Variants in VKORC1L1 observed in about 807,000 individuals in gnomAD.
VKORC1L1 encodes the protein vitamin K epoxide reductase complex subunit 1L1.
VKORC1L1 carries 2 observed loss-of-function variants against 18.9 expected under a neutral mutation model. That is an observed-to-expected ratio of 0.11 (90% CI 0.04 to 0.33). The LOEUF is 0.33. Ranked by LOEUF, VKORC1L1 falls within the 10% of genes least tolerant of loss-of-function variation. VKORC1L1 has a pLI of 1.00. For missense variants in VKORC1L1, 123 were observed against 224.1 expected, an observed-to-expected ratio of 0.55 and a Z score of 2.88; for synonymous variants, 96 against 100.0, an observed-to-expected ratio of 0.96 and a Z score of 0.24.
chr7:65,946,888 A>G (rs562592451), intron 1 of VKORC1L1, among the ~76,000 whole-genome samples: 1 of 152,248 alleles, frequency 6.6e-6, no homozygotes, highest in East Asian at 1.9e-4. Context: ...TAATCCCAGC[A>G]CTTTGGGAGG....
chr7:65,916,463 G>A (rs1015792612), intron 1 of VKORC1L1, among the ~76,000 whole-genome samples: 4 of 152,006 alleles, frequency 2.6e-5, no homozygotes, highest in African/African-American at 9.7e-5. Flanking sequence ...TTCATCTTGT[G>A]CATTTCCTGT....
rs1030824835 is a variant in VKORC1L1, at chr7:65,882,066, C to T, written c.194+8501C>T. On this transcript the variant is annotated intron_variant, in intron 1 of 2. Coordinates refer to ENST00000360768, the MANE Select transcript of VKORC1L1 (RefSeq NM_173517.6). ...CTGCACTCCAGCCTGAGCGACAGAGCAAACTCTGTCTCAAGAAAATAAAAT... is the reference window on the plus strand; with the variant it reads ...CTGCACTCCAGCCTGAGCGACAGAGTAAACTCTGTCTCAAGAAAATAAAAT... Among the ~76,000 whole-genome samples, 323 of 143,908 alleles carry T rather than the reference C, an allele frequency of 2.2e-3. 1 individual carries two copies. Among genetic ancestry groups the T allele is most frequent in the African/African-American group, 7.6e-3 (293 of 38,344 alleles). 94.4% of individuals were successfully genotyped at this position (143,908 alleles called of 152,430 possible).
chr7:65,928,254 C>CTTTTTTTTTTTT (rs760146385), intron 1 of VKORC1L1, among the ~76,000 whole-genome samples: 3 of 106,224 alleles, frequency 2.8e-5, no homozygotes, highest in Admixed American at 1.0e-4. Context: ...TTTTTTCCTT[C>CTTTTTTTTTTTT]TTTTTTTTTT....
intron 1 of VKORC1L1, among the ~76,000 whole-genome samples, chr7:65,899,935 G>C (rs1789281929): frequency 1.3e-5 from 2 of 151,728 alleles, no homozygotes; most frequent in African/African-American, 4.8e-5. Context: ...AGGCGGCAGA[G>C]GTTGCAGTGA....
At chr7:65,880,735 C>T (rs188760620) in intron 1 of VKORC1L1, among the ~76,000 whole-genome samples, 18 of 152,228 alleles carry the variant, frequency 1.2e-4, no homozygotes, top group East Asian at 7.7e-4. Context: ...TTGAGAAGAA[C>T]AGCAAGTGGT....
intron 1 of VKORC1L1, among the ~76,000 whole-genome samples, chr7:65,925,108 C>A (rs1789739775): frequency 6.6e-6 from 1 of 152,196 alleles, no homozygotes; most frequent in Non-Finnish European, 1.5e-5. Flanking sequence ...CATTTCAGAT[C>A]CATCTAGAAA....
chr7:65,888,383 T>C (rs1359155052), intron 1 of VKORC1L1, among the ~76,000 whole-genome samples: 1 of 152,202 alleles, frequency 6.6e-6, no homozygotes, highest in African/African-American at 2.4e-5. Flanking sequence ...ATGTTGTTTT[T>C]TTGGAATCTA....
chr7:65,931,957 T>C (rs1199912408), intron 1 of VKORC1L1, among the ~76,000 whole-genome samples: 3 of 152,186 alleles, frequency 2.0e-5, no homozygotes, highest in Non-Finnish European at 4.4e-5. Context: ...TTGATTTTCT[T>C]GATCATTTCA....
chr7:65,918,759 G>T (rs1345923471), intron 1 of VKORC1L1, among the ~76,000 whole-genome samples: 1 of 152,144 alleles, frequency 6.6e-6, no homozygotes, highest in African/African-American at 2.4e-5. Context: ...TCTCAAAGGT[G>T]GTATAAGAGA....
chr7:65,876,519 A>C (rs969206627), intron 1 of VKORC1L1, among the ~76,000 whole-genome samples: 2 of 151,474 alleles, frequency 1.3e-5, no homozygotes, highest in African/African-American at 4.9e-5. Context: ...AAAAAAAAAA[A>C]GTTTACTTTC....
chr7:65,940,806 G>C (rs772586512), intron 1 of VKORC1L1, among the ~76,000 whole-genome samples: 13 of 152,190 alleles, frequency 8.5e-5, no homozygotes, highest in African/African-American at 1.2e-4. Context: ...AAGGAAATAT[G>C]ATGACAGCTA....
chr7:65,898,807 C>T (rs1435014282), intron 1 of VKORC1L1, among the ~76,000 whole-genome samples: 1 of 152,092 alleles, frequency 6.6e-6, no homozygotes, highest in Non-Finnish European at 1.5e-5. Context: ...TTTTTCCTAG[C>T]CATTAAACAA....
Position 65,873,347 on chromosome 7 carries a change from A to AGGC in VKORC1L1, c.-7_-5dup, listed in dbSNP as rs750857985. ...CGGCGGCTGAGGTGGAGGCGGAGGG[A>AGGC]GGCGGCGGCGGCGGCGGCGGGAAGA... On this transcript the variant is annotated 5_prime_UTR_variant, in exon 1 of 3. Transcript: ENST00000360768. The AGGC allele has an allele frequency of 4.6e-4, 670 of 1,451,406 alleles. 3 individuals carry two copies. In the African/African-American group the frequency reaches 5.1e-3, roughly 11 times the overall value. 89.9% of individuals were successfully genotyped at this position (1,451,406 alleles called of 1,614,324 possible). A position where few individuals can be genotyped will look rare whatever the true frequency, so the allele number is the denominator to read the frequency against.
chr7:65,929,228 G>A (rs1173009981), intron 1 of VKORC1L1, among the ~76,000 whole-genome samples: 2 of 152,104 alleles, frequency 1.3e-5, no homozygotes, highest in African/African-American at 4.8e-5. Flanking sequence ...GGCCAACATG[G>A]TGAAACCTCA....
intron 1 of VKORC1L1, among the ~76,000 whole-genome samples, chr7:65,879,111 T>C (rs1262147526): frequency 6.6e-6 from 1 of 152,168 alleles, no homozygotes; most frequent in East Asian, 1.9e-4. Flanking sequence ...CCTCCCTTTT[T>C]TTAACATGGA....
intron 1 of VKORC1L1, among the ~76,000 whole-genome samples, chr7:65,944,950 A>C (rs1372832084): frequency 1.3e-5 from 2 of 151,534 alleles, no homozygotes; most frequent in African/African-American, 4.8e-5. Flanking sequence ...CTGGCTTACC[A>C]TATTAGCGAG....
chr7:65,948,764 A>T lies in VKORC1L1; in HGVS notation c.288A>T (p.Ile96=). ...GTGTCTTTGGACTTATATTTTATAT[A>T]CTACAGTTATTACTTGGTAAGTATT... is the stretch of plus-strand genomic sequence containing the variant. ...PNSVFGLIFY[I]LQLLLGMTAS... is the part of the protein sequence containing the mutation. The change falls in exon 2 of 3, where the codon ATA becomes ATT. Residue 96 remains isoleucine (I), a synonymous_variant. Transcript: ENST00000360768. 1.0e-6 allele frequency: 1 copy of T among 981,604 alleles called. No homozygotes were observed. Among genetic ancestry groups the T allele is most frequent in the Non-Finnish European group, 1.5e-6 (1 of 665,426 alleles). The allele number at this position is 981,604 out of a possible 1,614,324, so 60.8% of individuals were successfully genotyped here.
At chr7:65,918,989 G>A (rs557626350) in intron 1 of VKORC1L1, among the ~76,000 whole-genome samples, 3 of 152,128 alleles carry the variant, frequency 2.0e-5, no homozygotes, top group Non-Finnish European at 4.4e-5. Flanking sequence ...CAGCTACTCC[G>A]GAGGCTGAGG....
At chr7:65,899,359 C>T (rs986310550) in intron 1 of VKORC1L1, among the ~76,000 whole-genome samples, 9 of 152,184 alleles carry the variant, frequency 5.9e-5, no homozygotes, top group African/African-American at 2.2e-4. Flanking sequence ...GGCATGGCTT[C>T]CTCTTTGCAG....
Sources: allele counts gnomAD v4.1 joint callset (sites outside exome capture counted in the v4.1 genomes callset), GRCh38; gene constraint gnomAD v4.1.1; transcripts MANE v1.5; gene names NCBI Gene and HGNC (gene_info 2026-07-23, HGNC 2026-07-21).